RFX4: variants seen among roughly 807,000 people sequenced by gnomAD.
RFX4 encodes the protein transcription factor RFX4.
RFX4 carries 10 observed loss-of-function variants against 95.0 expected under a neutral mutation model. The ratio of observed to expected loss-of-function variants is 0.11; its 90% CI spans 0.06 to 0.18. The LOEUF (loss-of-function observed/expected upper bound fraction) is 0.18. Ranked by LOEUF, RFX4 falls within the 10% of genes least tolerant of loss-of-function variation. RFX4 has a pLI of 1.00. For missense variants in RFX4, 640 were observed against 922.0 expected, an observed-to-expected ratio of 0.69 and a Z score of 3.96; for synonymous variants, 321 against 340.7, an observed-to-expected ratio of 0.94 and a Z score of 0.64.
chr12:106,732,544 C>T (rs539113259), intron 14 of RFX4, among the ~76,000 whole-genome samples: 161 of 151,926 alleles, frequency 1.1e-3, no homozygotes, highest in Non-Finnish European at 8.8e-4. Context: ...ACTAAAAATA[C>T]AAAAAATTAG....
At position 106,715,505 on chromosome 12, in the gene RFX4, G is replaced by A. The variant is rs757481574; in HGVS notation, c.1099G>A (p.Glu367Lys). The A allele has an allele frequency of 1.3e-5, 21 of 1,614,060 alleles. No individual in the cohort carries two copies. The highest frequency in any genetic ancestry group is 1.7e-5 in the Non-Finnish European group (20 of 1,180,038). ...SITKQTLYTM[E>K]DSRDEHRKLI... ...CACCAAGCAAACCCTTTACACCATG[G>A]AAGACTCTCGCGATGAGCACCGGAA... Residue 367 changes from glutamate (E) to lysine (K), a missense_variant, in exon 11 of 18, where the codon GAA becomes AAA. By Grantham distance (56) the Glu-to-Lys change is moderately conservative. Around this residue, in one of 7 missense-constraint regions of RFX4, gnomAD observed 72 missense variants for 80.5 expected, o/e 0.89. Coordinates refer to ENST00000392842, the MANE Select transcript of RFX4 (RefSeq NM_213594.3).
chr12:106,645,262 A>G (rs908252495), intron 3 of RFX4, among the ~76,000 whole-genome samples: 1 of 152,104 alleles, frequency 6.6e-6, no homozygotes, highest in Admixed American at 6.5e-5. Context: ...CCGGCCGCAC[A>G]ATAACCTCTA....
Position 106,720,716 on chromosome 12 carries a change from A to G in RFX4, c.1234-43A>G, listed in dbSNP as rs1313648285. 6.4e-7 allele frequency: 1 copy of G among 1,566,736 alleles called. No individual in the cohort carries two copies. Among genetic ancestry groups the G allele is most frequent in the Admixed American group, 1.7e-5 (1 of 59,934 alleles). On this transcript the variant is annotated intron_variant, in intron 12 of 17. Transcript: ENST00000392842. This position sits in a 1 kb window ranked among gnomAD's most constrained non-coding sequence, Gnocchi z 4.2. ...TTTTCAAAGAGACAGTAATAAATGA[A>G]AGGTCAAGTCGACCACTATTAAAGC...
intron 5 of RFX4, chr12:106,684,853 C>G: frequency 1.9e-6 from 3 of 1,581,962 alleles, no homozygotes; most frequent in Non-Finnish European, 1.7e-6. Context: ...ATTCTTCATC[C>G]CAGAAGGCAT....
intron 4 of RFX4, among the ~76,000 whole-genome samples, chr12:106,666,618 C>T (rs536782160): frequency 7.9e-5 from 12 of 152,166 alleles, no homozygotes; most frequent in South Asian, 6.2e-4. Context: ...TTGTTCTCTT[C>T]GCTTTTTAGT....
intron 2 of RFX4, among the ~76,000 whole-genome samples, chr12:106,636,217 T>C (rs1164491819): frequency 6.6e-6 from 1 of 151,390 alleles, no homozygotes; most frequent in Non-Finnish European, 1.5e-5. Context: ...CATCTCTAAA[T>C]GGGGTTTCTA....
intron 4 of RFX4, among the ~76,000 whole-genome samples, chr12:106,659,921 C>T (rs1033070726): frequency 2.6e-5 from 4 of 152,192 alleles, no homozygotes; most frequent in African/African-American, 9.7e-5. Context: ...CATTAGTAGT[C>T]ATCTGGTGAT....
At chr12:106,687,152 TC>T (rs2137419943) in intron 6 of RFX4, 55 bp downstream of exon 6, 3 of 1,299,210 alleles carry the variant, frequency 2.3e-6, no homozygotes, top group Non-Finnish European at 3.3e-6. Flanking sequence ...TCTTTCTCTC[TC>T]TCTCTCTGTC....
At chr12:106,647,266 T>C (rs763014435) in intron 3 of RFX4, among the ~76,000 whole-genome samples, 1 of 152,206 alleles carries the variant, frequency 6.6e-6, no homozygotes, top group Non-Finnish European at 1.5e-5. Flanking sequence ...GTGAGAACTT[T>C]AGAGGCATCA....
At chr12:106,636,654 C>T (rs372516165) in intron 2 of RFX4, among the ~76,000 whole-genome samples, 8 of 152,282 alleles carry the variant, frequency 5.3e-5, no homozygotes, top group East Asian at 1.9e-4. Flanking sequence ...TTTTACATTC[C>T]GTTCCTGAGA....
intron 8 of RFX4, among the ~76,000 whole-genome samples, chr12:106,706,732 A>G (rs774094445): frequency 1.3e-4 from 19 of 150,524 alleles, no homozygotes; most frequent in African/African-American, 4.8e-4. Context: ...AAAATAGGGG[A>G]AAAAAATATT....
At chr12:106,650,684 C>T (rs1022113262) in intron 3 of RFX4, among the ~76,000 whole-genome samples, 21 of 151,802 alleles carry the variant, frequency 1.4e-4, no homozygotes, top group African/African-American at 1.9e-4. Context: ...GCCGAGATGT[C>T]GCCATTTCAC....
At position 106,678,022 on chromosome 12, in the gene RFX4, T is replaced by A. The variant is rs574065646; in HGVS notation, c.316-3971T>A. The stretch of plus-strand genomic sequence containing the variant: ...CTGCATGTATTGATCTATACATTAT[T>A]CAAAAAGAATAAGTAAAAACCATCA... On this transcript the variant is annotated intron_variant, in intron 4 of 17. Coordinates refer to ENST00000392842, the MANE Select transcript of RFX4 (RefSeq NM_213594.3). Among the ~76,000 whole-genome samples, 36 of 152,306 alleles carry A rather than the reference T, an allele frequency of 2.4e-4. 1 individual carries two copies. In the East Asian group the frequency reaches 6.2e-3, roughly 26 times the overall value.
rs754308362 is a variant in RFX4, at chr12:106,583,370, C to T, written c.43+7C>T. The T allele has an allele frequency of 2.6e-5, 41 of 1,574,536 alleles. No individual in the cohort carries two copies. In the South Asian group the frequency reaches 4.6e-4, roughly 18 times the overall value. The stretch of plus-strand genomic sequence containing the variant: ...CCCGACATGGATTCCACAGGTTAGT[C>T]CTACTGGCGGGGTTGGGGGGATACA... On this transcript the variant is annotated splice_region_variant and intron_variant, in intron 1 of 17. Coordinates refer to ENST00000392842, the MANE Select transcript of RFX4 (RefSeq NM_213594.3).
intron 15 of RFX4, among the ~76,000 whole-genome samples, chr12:106,742,540 T>C (rs1266747541): frequency 6.6e-6 from 1 of 152,184 alleles, no homozygotes; most frequent in Non-Finnish European, 1.5e-5. Context: ...GGCAGTATGT[T>C]ATAGAGCTTT....
Position 106,606,104 on chromosome 12 carries a change from A to G in RFX4, c.44-2693A>G, listed in dbSNP as rs572680975. Among the ~76,000 whole-genome samples, 681 of 152,282 alleles carry G rather than the reference A, an allele frequency of 4.5e-3. 4 individuals are homozygous for G. The highest frequency in any genetic ancestry group is 0.016 in the African/African-American group (659 of 41,540). On this transcript the variant is annotated intron_variant, in intron 1 of 17. Coordinates refer to ENST00000392842, the MANE Select transcript of RFX4 (RefSeq NM_213594.3). ...GCTTCTCTCGGGAATGTTGCCACGA[A>G]GTTTTCAGAGAATGTCCCATCAATC...
At chr12:106,684,375 C>T (rs2041596183) in intron 5 of RFX4, among the ~76,000 whole-genome samples, 1 of 152,040 alleles carries the variant, frequency 6.6e-6, no homozygotes, top group South Asian at 2.1e-4. Flanking sequence ...CAAAAAAAAG[C>T]ACATTCTGCA....
rs552570271 is a variant in RFX4 at position 106,758,116 on chromosome 12, C to T, written c.1936-3081C>T. Among the ~76,000 whole-genome samples, 17 of 152,280 alleles carry T rather than the reference C, an allele frequency of 1.1e-4. No homozygotes were observed. In the South Asian group the frequency reaches 3.3e-3, roughly 30 times the overall value. On this transcript the variant is annotated intron_variant, in intron 17 of 17. Coordinates refer to ENST00000392842, the MANE Select transcript of RFX4 (RefSeq NM_213594.3). ...TTATTCCAGACAGAGATCTCTGGAC[C>T]CTGGAATTTGTGCCCAGCATGCTTA... is the stretch of plus-strand genomic sequence containing the variant.
At chr12:106,692,386 G>A (rs1281964334) in intron 7 of RFX4, among the ~76,000 whole-genome samples, 1 of 152,144 alleles carries the variant, frequency 6.6e-6, no homozygotes, top group African/African-American at 2.4e-5. Flanking sequence ...ATGAAATTGT[G>A]TATGTAAAGT....
Sources: gnomAD v4.1 joint callset for allele counts (sites outside exome capture counted in the v4.1 genomes callset) on GRCh38, gnomAD v4.1.1 for gene constraint, gnomAD v4.1.1 regional missense constraint, Gnocchi (gnomAD v3.1) non-coding constraint, MANE v1.5 for transcripts, NCBI Gene and HGNC (gene_info 2026-07-23, HGNC 2026-07-21) for gene names.